SLC6A18: variants seen among roughly 807,000 people sequenced by gnomAD.
SLC6A18 encodes the protein solute carrier family 6 member 18.
SLC6A18 carries 58 observed loss-of-function variants against 62.9 expected under a neutral mutation model. The ratio of observed to expected loss-of-function variants is 0.92; its 90% CI spans 0.75 to 1.15. SLC6A18 has a LOEUF of 1.15. Ranked by LOEUF, SLC6A18 falls within the 50% of genes most tolerant of loss-of-function variation. The pLI is 0.00. For synonymous variants in SLC6A18, 382 were observed against 365.8 expected (o/e 1.04, Z -0.51); for missense variants, 793 against 836.6 (o/e 0.95, Z 0.64).
chr5:1,239,627 T>C, intron 6 of SLC6A18, 65 bp downstream of exon 6: 1 of 1,232,548 alleles, frequency 8.1e-7, no homozygotes. Flanking sequence ...CACTTCCTGA[T>C]CTCAGGATCA....
Position 1,237,931 on chromosome 5 carries a change from C to T in SLC6A18, c.622-19C>T, listed in dbSNP as rs1465966156. ...CCAGAGGCCATTTCAAGTCTCATGA[C>T]TCCACCTTTTGTTTCAAGGTGATTT... is the stretch of plus-strand genomic sequence containing the variant. On this transcript the variant is annotated intron_variant, in intron 4 of 11. Transcript: ENST00000324642. The T allele has an allele frequency of 9.4e-6, 15 of 1,589,872 alleles. No homozygotes were observed. The highest frequency in any genetic ancestry group is 1.3e-5 in the Non-Finnish European group (15 of 1,157,890).
intron 4 of SLC6A18, among the ~76,000 whole-genome samples, chr5:1,236,352 G>C (rs147008039): frequency 1.3e-5 from 2 of 152,162 alleles, no homozygotes; most frequent in African/African-American, 4.8e-5. Context: ...CCCTTCCCAG[G>C]CTTTGCGCTA....
intron 3 of SLC6A18, among the ~76,000 whole-genome samples, 174 bp from the exon 4 acceptor site, chr5:1,235,307 T>C (rs748956408): frequency 1.2e-4 from 19 of 152,192 alleles, no homozygotes; most frequent in Admixed American, 3.9e-4. Flanking sequence ...AGCCTGTTCA[T>C]TTTCACAGCC....
chr5:1,236,131 G>T (rs1746878215), intron 4 of SLC6A18, among the ~76,000 whole-genome samples: 1 of 151,054 alleles, frequency 6.6e-6, no homozygotes. Flanking sequence ...TGCCCCATCT[G>T]TTTTTTTTTA....
In SLC6A18 at chr5:1,225,605, G is replaced by C; in HGVS notation, c.128G>C (p.Arg43Pro). 1.9e-6 allele frequency: 3 copies of C among 1,604,878 alleles called. No individual in the cohort carries two copies. Among genetic ancestry groups the C allele is most frequent in the Non-Finnish European group, 2.6e-6 (3 of 1,175,338 alleles). Residue 43 changes from arginine to proline, a missense_variant, in exon 1 of 12, where the codon CGG becomes CCG. Physicochemically the swap from Arg to Pro is moderately radical, Grantham distance 103. Transcript: ENST00000324642. ...GCCGTGGGACTGGGGAACATTTGGC[G>C]GTTCCCATACCTGTGCCAGACCTAT... Reference protein sequence around the residue: ...GFAVGLGNIWRFPYLCQTYGG... With the variant: ...GFAVGLGNIWPFPYLCQTYGG...
chr5:1,225,785 T>C, intron 1 of SLC6A18, 148 bp downstream of exon 1: 1 of 937,280 alleles, frequency 1.1e-6, no homozygotes, highest in South Asian at 1.8e-5. Flanking sequence ...CACGGCAGAG[T>C]CAGTCCCCTC....
intron 6 of SLC6A18, among the ~76,000 whole-genome samples, chr5:1,239,899 T>C: frequency 6.6e-6 from 1 of 152,250 alleles, no homozygotes; most frequent in East Asian, 1.9e-4. Context: ...GCTTTTATGA[T>C]ATCTTAATAT....
At position 1,238,390 on chromosome 5, in the gene SLC6A18, A is replaced by G. The variant is rs1323591282; in HGVS notation, c.732+330A>G. On this transcript the variant is annotated intron_variant, in intron 5 of 11. Coordinates refer to ENST00000324642, the MANE Select transcript of SLC6A18 (RefSeq NM_182632.3). ...TGGAGTGGGCCTGGGGCCTCAGGAAAGAGGTCAGGTTTGGAGTGGGCCTGG... is the reference window on the plus strand; with the variant it reads ...TGGAGTGGGCCTGGGGCCTCAGGAAGGAGGTCAGGTTTGGAGTGGGCCTGG... 1.1e-3 allele frequency among the ~76,000 whole-genome samples: 90 copies of G among 82,000 alleles called. 7 individuals carry two copies. Among genetic ancestry groups the G allele is most frequent in the Non-Finnish European group, 1.7e-4 (8 of 47,316 alleles). 53.8% of individuals were successfully genotyped at this position (82,000 alleles called of 152,430 possible). A position where few individuals can be genotyped will look rare whatever the true frequency, so the allele number is the denominator to read the frequency against.
In SLC6A18 at chr5:1,243,734, A is replaced by G; in HGVS notation, c.1311A>G (p.Arg437=). The G allele has an allele frequency of 6.2e-7, 1 of 1,610,634 alleles. No individual in the cohort carries two copies. The highest frequency in any genetic ancestry group is 8.5e-7 in the Non-Finnish European group (1 of 1,178,096). Residue 437 remains arginine, a synonymous_variant, in exon 9 of 12, where the codon AGA becomes AGG. Transcript: ENST00000324642. The surrounding 1 kb of genome is among the most constrained non-coding windows in gnomAD (Gnocchi z 6.5). ...TPLLDVGVLP[R]WVPKEALTGL... ...TGCTGGACGTGGGGGTCCTGCCTAG[A>G]TGGGTCCCCAAGGAGGCCCTGACTG...
In SLC6A18 at chr5:1,240,594, G is replaced by A. The variant is rs373234068; in HGVS notation, c.909G>A (p.Ala303=). ...ALVNRMTSLY[A]SIAVFSVLGF... ...TCAACAGGATGACCTCCCTGTACGC[G>A]TCCATCGCTGTCTTCTCTGTCCTGG... Residue 303 remains alanine, a synonymous_variant, in exon 7 of 12, where the codon GCG becomes GCA. Coordinates refer to ENST00000324642, the MANE Select transcript of SLC6A18 (RefSeq NM_182632.3). 2.6e-5 allele frequency: 42 copies of A among 1,614,078 alleles called. No individual in the cohort carries two copies. Among genetic ancestry groups the A allele is most frequent in the Admixed American group, 1.7e-4 (10 of 60,012 alleles).
In SLC6A18 at chr5:1,242,699, C is replaced by T. The variant is rs367924963; in HGVS notation, c.975-8C>T. On this transcript the variant is annotated splice_region_variant and splice_polypyrimidine_tract_variant and intron_variant, in intron 7 of 11. Transcript: ENST00000324642. ...GCCATGAGCCCACAGTCCTCTCTGT[C>T]CCCGCAGAAACATCCTCAGCCTCAT... The T allele has an allele frequency of 7.5e-6, 12 of 1,596,978 alleles. No homozygotes were observed. The East Asian group carries it at 1.1e-4, about 15-fold the overall frequency.
At chr5:1,233,866 C>A (rs541830482) in intron 3 of SLC6A18, among the ~76,000 whole-genome samples, 1 of 152,034 alleles carries the variant, frequency 6.6e-6, no homozygotes, top group East Asian at 1.9e-4. Context: ...CTCAGCCTCC[C>A]AAATAGCTAG....
At position 1,243,420 on chromosome 5, in the gene SLC6A18, C is replaced by T; in HGVS notation, c.1132-135C>T. ...GAAGGCATGGCCAGCCCTGAGCCAC[C>T]TCAGCCCGACACCAGGAGGGGTGAT... On this transcript the variant is annotated intron_variant, in intron 8 of 11. Transcript: ENST00000324642. This position sits in a 1 kb window ranked among gnomAD's most constrained non-coding sequence, Gnocchi z 6.5. 2 of 1,022,942 alleles carry T rather than the reference C, an allele frequency of 2.0e-6. No individual in the cohort carries two copies. Among genetic ancestry groups the T allele is most frequent in the South Asian group, 3.0e-5 (2 of 66,520 alleles). 63.4% of individuals were successfully genotyped at this position (1,022,942 alleles called of 1,614,324 possible). A position where few individuals can be genotyped will look rare whatever the true frequency, so the allele number is the denominator to read the frequency against.
rs1174909107 is a variant in SLC6A18, at chr5:1,241,276, T to C, written c.974+617T>C. Among the ~76,000 whole-genome samples the C allele has an allele frequency of 6.6e-6, 1 of 152,060 alleles. No individual in the cohort carries two copies. The highest frequency in any genetic ancestry group is 1.9e-4 in the East Asian group (1 of 5,176). ...AACTTGCTTGTGAACTACCTTCAGGTGGGTCCTTGAGAACCCACTGGGCAG... is the reference window on the plus strand; with the variant it reads ...AACTTGCTTGTGAACTACCTTCAGGCGGGTCCTTGAGAACCCACTGGGCAG... On this transcript the variant is annotated intron_variant, in intron 7 of 11. Coordinates refer to ENST00000324642, the MANE Select transcript of SLC6A18 (RefSeq NM_182632.3). This position sits in a 1 kb window ranked among gnomAD's most constrained non-coding sequence, Gnocchi z 7.8.
At chr5:1,232,183 G>A (rs936572454) in intron 1 of SLC6A18, 36 bp from the exon 2 acceptor site, 5 of 1,355,986 alleles carry the variant, frequency 3.7e-6, no homozygotes, top group African/African-American at 1.4e-5. Flanking sequence ...CCCAGCCCCC[G>A]ACCCTGGGCA....
At chr5:1,244,175 C>CCAACCCAGA in intron 9 of SLC6A18, 39 bp from the exon 10 acceptor site, 1 of 893,916 alleles carries the variant, frequency 1.1e-6, no homozygotes, top group Non-Finnish European at 1.8e-6. Context: ...CTCCACTCCC[C>CCAACCCAGA]ATCCCCTTAC....
At chr5:1,232,186 C>T (rs1408410327) in intron 1 of SLC6A18, 33 bp from the exon 2 acceptor site, 2 of 1,598,742 alleles carry the variant, frequency 1.3e-6, no homozygotes, top group Middle Eastern at 2.0e-4. Flanking sequence ...AGCCCCCGAC[C>T]CTGGGCAGGT....
rs533591154 is a variant in SLC6A18 at position 1,235,510 on chromosome 5, G to A, written c.469G>A (p.Ala157Thr). ...GFVEECQGSS[A>T]VSYFWYRQTL... ...TGTGGAGGAGTGCCAGGGCAGCAGC[G>A]CCGTGAGCTACTTCTGGTACCGGCA... Residue 157 changes from alanine (A) to threonine (T), a missense_variant, in exon 4 of 12, where the codon GCC becomes ACC. Transcript: ENST00000324642. The A allele has an allele frequency of 1.0e-4, 161 of 1,614,012 alleles. No homozygotes were observed. Among genetic ancestry groups the A allele is most frequent in the Admixed American group, 3.2e-4 (19 of 60,024 alleles).
chr5:1,229,702 G>A (rs1746673509), intron 1 of SLC6A18, among the ~76,000 whole-genome samples: 1 of 152,240 alleles, frequency 6.6e-6, no homozygotes, highest in Admixed American at 6.5e-5. Flanking sequence ...CGGGATGGGT[G>A]GCTGGTCACA....
Sources: allele counts gnomAD v4.1 joint callset (sites outside exome capture counted in the v4.1 genomes callset), GRCh38; gene constraint gnomAD v4.1.1; non-coding constraint Gnocchi (gnomAD v3.1); transcripts MANE v1.5; gene names NCBI Gene and HGNC (gene_info 2026-07-23, HGNC 2026-07-21).